Variants in NTRK2 observed in about 807,000 individuals in gnomAD.
NTRK2 encodes neurotrophic receptor tyrosine kinase 2.
NTRK2 carries 13 observed loss-of-function variants against 94.5 expected under a neutral mutation model. That is an observed-to-expected ratio of 0.14 (90% CI 0.09 to 0.22). The LOEUF is 0.22. Ranked by LOEUF, NTRK2 falls within the 10% of genes least tolerant of loss-of-function variation. NTRK2 has a pLI of 1.00. For synonymous variants in NTRK2, 372 were observed against 407.4 expected (o/e 0.91, Z 1.05); for missense variants, 639 against 1,071.2 (o/e 0.60, Z 5.63).
At chr9:84,734,443 A>T (rs1351491652) in intron 9 of NTRK2, among the ~76,000 whole-genome samples, 2 of 152,190 alleles carry the variant, frequency 1.3e-5, no homozygotes, top group African/African-American at 4.8e-5. Flanking sequence ...CTTGCCCAGA[A>T]AAAGGATCTT....
intron 14 of NTRK2, among the ~76,000 whole-genome samples, chr9:84,887,217 GGTTC>G (rs2076443844): frequency 6.6e-6 from 1 of 152,176 alleles, no homozygotes; most frequent in African/African-American, 2.4e-5. Flanking sequence ...AAATGTAAGG[GGTTC>G]TCGCAAAGGC....
chr9:84,692,267 G>A (rs1162076013), intron 2 of NTRK2, among the ~76,000 whole-genome samples: 9 of 151,954 alleles, frequency 5.9e-5, no homozygotes, highest in Admixed American at 5.2e-4. Flanking sequence ...TGCTTCTCCT[G>A]GGAATTGTAT....
chr9:84,959,716 C>T (rs542495808), intron 17 of NTRK2, among the ~76,000 whole-genome samples: 1 of 152,156 alleles, frequency 6.6e-6, no homozygotes, highest in Non-Finnish European at 1.5e-5. Flanking sequence ...ATCTGCAGTA[C>T]CAGTCTTTTG....
intron 12 of NTRK2, among the ~76,000 whole-genome samples, chr9:84,789,861 G>C (rs889485914): frequency 6.6e-6 from 1 of 152,238 alleles, no homozygotes; most frequent in East Asian, 1.9e-4. Context: ...TTTGGTGATT[G>C]GTAACTAAAC....
intron 17 of NTRK2, among the ~76,000 whole-genome samples, chr9:84,962,379 T>TAGAA (rs1359261009): frequency 6.6e-6 from 1 of 152,248 alleles, no homozygotes; most frequent in Non-Finnish European, 1.5e-5. Flanking sequence ...ACAAAGGCTA[T>TAGAA]AGAAACTTTT....
intron 14 of NTRK2, among the ~76,000 whole-genome samples, chr9:84,885,127 A>G (rs1448649975): frequency 6.6e-6 from 1 of 152,224 alleles, no homozygotes; most frequent in Admixed American, 6.5e-5. Context: ...TTAATACTTT[A>G]TAACTTTCTA....
chr9:84,924,127 GTT>G (rs1340293280), intron 14 of NTRK2, among the ~76,000 whole-genome samples: 1 of 151,744 alleles, frequency 6.6e-6, no homozygotes. Flanking sequence ...TGGGAGGACT[GTT>G]TGAATCCAGG....
At chr9:84,744,258 C>A (rs918460069) in intron 10 of NTRK2, among the ~76,000 whole-genome samples, 1 of 152,206 alleles carries the variant, frequency 6.6e-6, no homozygotes, top group Non-Finnish European at 1.5e-5. Flanking sequence ...CAGAAGGCAG[C>A]AACTGCATTT....
At chr9:84,877,702 A>G in intron 14 of NTRK2, 1 of 1,061,096 alleles carries the variant, frequency 9.4e-7, no homozygotes, top group East Asian at 5.1e-5. Context: ...GAGCGGACCT[A>G]ACACATGACT....
At chr9:84,834,554 C>T (rs2073758490) in intron 12 of NTRK2, among the ~76,000 whole-genome samples, 1 of 152,106 alleles carries the variant, frequency 6.6e-6, no homozygotes, top group Admixed American at 6.5e-5. Flanking sequence ...CATCTAGGAA[C>T]CCCTAGAAGC....
chr9:84,960,421 A>G (rs75558534), intron 17 of NTRK2, among the ~76,000 whole-genome samples: 2,811 of 152,340 alleles, frequency 0.018, 43 homozygotes, highest in Admixed American at 0.029. Flanking sequence ...CCAAGCATGT[A>G]AGAAATAATC....
At chr9:84,994,259 C>T (rs1359732720) in intron 17 of NTRK2, among the ~76,000 whole-genome samples, 1 of 152,156 alleles carries the variant, frequency 6.6e-6, no homozygotes, top group South Asian at 2.1e-4. Flanking sequence ...ATTAATAACT[C>T]CCCTACTGTA....
At chr9:84,770,351 A>C (rs1390848214) in intron 12 of NTRK2, among the ~76,000 whole-genome samples, 2 of 152,156 alleles carry the variant, frequency 1.3e-5, no homozygotes, top group African/African-American at 4.8e-5. Flanking sequence ...AGTTCTCTGC[A>C]GGATCTGTGG....
intron 15 of NTRK2, 40 bp downstream of exon 15, chr9:84,934,332 C>G (rs768274735): frequency 1.2e-6 from 2 of 1,610,330 alleles, no homozygotes; most frequent in East Asian, 4.5e-5. Context: ...ACCATGATCA[C>G]ACTTACGTGT....
intron 12 of NTRK2, among the ~76,000 whole-genome samples, chr9:84,780,235 G>T (rs1446247920): frequency 6.6e-6 from 1 of 152,082 alleles, no homozygotes; most frequent in East Asian, 1.9e-4. Flanking sequence ...TGTAAATAAA[G>T]TTTTATTGGA....
intron 2 of NTRK2, among the ~76,000 whole-genome samples, chr9:84,691,277 T>C (rs938129951): frequency 6.6e-6 from 1 of 152,218 alleles, no homozygotes; most frequent in African/African-American, 2.4e-5. Context: ...ATTTTCTTCT[T>C]CCTGAGAAAG....
At chr9:84,837,788 A>T (rs1416768183) in intron 12 of NTRK2, among the ~76,000 whole-genome samples, 1 of 152,208 alleles carries the variant, frequency 6.6e-6, no homozygotes, top group Non-Finnish European at 1.5e-5. Context: ...AAATTGGTAG[A>T]CTAAGAATAG....
intron 6 of NTRK2, among the ~76,000 whole-genome samples, chr9:84,714,731 T>A (rs1433336569): frequency 6.6e-6 from 1 of 152,204 alleles, no homozygotes; most frequent in Non-Finnish European, 1.5e-5. Context: ...AATGAATTTA[T>A]GGTCAGCTGG....
chr9:84,744,740 C>T (rs1295572297), intron 10 of NTRK2, among the ~76,000 whole-genome samples: 2 of 152,128 alleles, frequency 1.3e-5, no homozygotes, highest in African/African-American at 4.8e-5. Flanking sequence ...GGCTGACCAA[C>T]AAGACAATGA....
Sources: allele counts gnomAD v4.1 joint callset (sites outside exome capture counted in the v4.1 genomes callset), GRCh38; gene constraint gnomAD v4.1.1; transcripts MANE v1.5; gene names NCBI Gene and HGNC (gene_info 2026-07-23, HGNC 2026-07-21).